GRM4: variants seen among roughly 807,000 people sequenced by gnomAD.
GRM4 encodes the protein glutamate metabotropic receptor 4.
A neutral mutation model predicts 81.7 loss-of-function variants in GRM4; 28 were observed. The observed-to-expected ratio is 0.34, with a 90% confidence interval of 0.25 to 0.47. The LOEUF (loss-of-function observed/expected upper bound fraction) is 0.47. Among genes scored for constraint, GRM4 ranks in the 20% least tolerant of loss-of-function variants. The pLI, the probability that GRM4 is intolerant of heterozygous loss-of-function variation, is 1.00. For synonymous variants in GRM4, 488 were observed against 528.8 expected (o/e 0.92, Z 1.06); for missense variants, 948 against 1,290.0 (o/e 0.73, Z 4.06).
Position 34,036,298 on chromosome 6 carries a change from G to T in GRM4, c.1812C>A (p.Phe604Leu). ...TGTAGCGCACAAAGGTGATCACCAC[G>T]AACAACGTGGCAGCGATGCCCACCA... ...LAVVGIAATLFVVITFVRYND... is the reference protein window; with the variant it reads ...LAVVGIAATLLVVITFVRYND... The change falls in exon 9 of 11, where the codon TTC (phenylalanine) becomes TTA (leucine). Residue 604 changes from phenylalanine (F) to leucine (L), a missense_variant. By Grantham distance (22) the Phe-to-Leu change is conservative. Transcript: ENST00000538487. The surrounding 1 kb of genome is among the most constrained non-coding windows in gnomAD (Gnocchi z 9.0). 6.2e-7 allele frequency: 1 copy of T among 1,614,128 alleles called. No homozygotes were observed. The highest frequency in any genetic ancestry group is 8.5e-7 in the Non-Finnish European group (1 of 1,180,016).
In GRM4 at chr6:34,070,078, C is replaced by T. The variant is rs10947477; in HGVS notation, c.737-8050G>A. 1.0e-3 allele frequency among the ~76,000 whole-genome samples: 152 copies of T among 152,308 alleles called. 1 individual carries two copies. Among genetic ancestry groups the T allele is most frequent in the African/African-American group, 3.4e-3 (141 of 41,570 alleles). ...GGGACAGCTCGGCAGGAGCTGCCAGCATGGGCGTGAGGGCAGAGGCTCTGT... is the reference window on the plus strand; with the variant it reads ...GGGACAGCTCGGCAGGAGCTGCCAGTATGGGCGTGAGGGCAGAGGCTCTGT... On this transcript the variant is annotated intron_variant, in intron 3 of 10. Coordinates refer to ENST00000538487, the MANE Select transcript of GRM4 (RefSeq NM_000841.4). The surrounding 1 kb of genome is among the most constrained non-coding windows in gnomAD (Gnocchi z 4.6).
chr6:34,071,140 A>T (rs1161808490), intron 3 of GRM4, among the ~76,000 whole-genome samples: 2 of 151,864 alleles, frequency 1.3e-5, no homozygotes, highest in Non-Finnish European at 2.9e-5. Context: ...GTAAATCCCC[A>T]ACCTCACACA....
In GRM4 at chr6:34,035,559, T is replaced by TGAAAGAAGGCAGAATGATGCAA. The variant is rs1198761612; in HGVS notation, c.2442+108_2442+109insTTGCATCATTCTGCCTTCTTTC. The stretch of plus-strand genomic sequence containing the variant: ...GCAAGAAAGAAGGCAGAATGAGGCA[T>TGAAAGAAGGCAGAATGATGCAA]GAAAGAAGGCATTTCTGGAGCAGGG... On this transcript the variant is annotated intron_variant, in intron 9 of 10. Coordinates refer to ENST00000538487, the MANE Select transcript of GRM4 (RefSeq NM_000841.4). This position sits in a 1 kb window ranked among gnomAD's most constrained non-coding sequence, Gnocchi z 6.6. The TGAAAGAAGGCAGAATGATGCAA allele has an allele frequency of 1.7e-6, 1 of 577,656 alleles. No individual in the cohort carries two copies. Among genetic ancestry groups the TGAAAGAAGGCAGAATGATGCAA allele is most frequent in the African/African-American group, 2.3e-5 (1 of 43,268 alleles). The allele number at this position is 577,656 out of a possible 1,614,324, so 35.8% of individuals were successfully genotyped here. A position where few individuals can be genotyped will look rare whatever the true frequency, so the allele number is the denominator to read the frequency against.
chr6:34,148,437 G>GAC (rs370422279), upstream of GRM4, among the ~76,000 whole-genome samples: 65 of 151,644 alleles, frequency 4.3e-4, no homozygotes, highest in South Asian at 4.0e-3. Context: ...CACACTGAGA[G>GAC]ACACACACAC....
chr6:34,056,368 C>T, intron 6 of GRM4, 176 bp downstream of exon 6: 1 of 602,022 alleles, frequency 1.7e-6, no homozygotes, highest in East Asian at 2.8e-5. Context: ...GTGGCCCCGC[C>T]CCTCAAGGCC....
At chr6:34,082,025 T>C (rs1418504739) in intron 3 of GRM4, among the ~76,000 whole-genome samples, 4 of 151,350 alleles carry the variant, frequency 2.6e-5, no homozygotes, top group African/African-American at 7.3e-5. Context: ...CCCTGTCCAA[T>C]GGGAGCCTGC....
At chr6:34,112,590 C>T (rs1272338581) in intron 2 of GRM4, among the ~76,000 whole-genome samples, 1 of 152,032 alleles carries the variant, frequency 6.6e-6, no homozygotes, top group Non-Finnish European at 1.5e-5. Context: ...TGTGAGCTTC[C>T]CCCCAAATGA....
intron 6 of GRM4, among the ~76,000 whole-genome samples, chr6:34,052,231 A>G (rs1765649584): frequency 6.6e-6 from 1 of 152,208 alleles, no homozygotes; most frequent in African/African-American, 2.4e-5. Flanking sequence ...GATGACTGAG[A>G]GGTCTGTTCC....
intron 1 of GRM4, among the ~76,000 whole-genome samples, chr6:34,135,803 T>C (rs61131344): frequency 6.6e-6 from 1 of 152,226 alleles, no homozygotes; most frequent in East Asian, 1.9e-4. Context: ...ATAAGAGCCA[T>C]AGACGAATCT....
At chr6:34,148,417 G>C (rs573681784), upstream of GRM4, among the ~76,000 whole-genome samples, 351 of 140,208 alleles carry the variant, frequency 2.5e-3, 2 homozygotes, top group African/African-American at 8.7e-3. Context: ...CAGACACATA[G>C]ACTAACACAC....
intron 2 of GRM4, chr6:34,099,947 C>T (rs550483586): frequency 6.9e-6 from 4 of 580,114 alleles, no homozygotes; most frequent in South Asian, 7.6e-5. Context: ...CCAACCCCTT[C>T]GCCACAGACC....
chr6:34,137,948 A>T (rs1429655199), intron 1 of GRM4, among the ~76,000 whole-genome samples: 1 of 151,716 alleles, frequency 6.6e-6, no homozygotes, highest in Non-Finnish European at 1.5e-5. Flanking sequence ...TCCAACTTCA[A>T]TCCTTCCCTC....
intron 2 of GRM4, among the ~76,000 whole-genome samples, chr6:34,131,537 C>T (rs1419854399): frequency 6.6e-6 from 1 of 152,156 alleles, no homozygotes; most frequent in Non-Finnish European, 1.5e-5. Flanking sequence ...CAGCCAATGG[C>T]AAAAGTCCTG....
At chr6:34,139,602 G>A (rs190756382) in intron 1 of GRM4, among the ~76,000 whole-genome samples, 4 of 152,234 alleles carry the variant, frequency 2.6e-5, no homozygotes, top group African/African-American at 9.6e-5. Context: ...ACCAGGCTGG[G>A]AGCACATTAA....
At chr6:34,137,911 T>G (rs1770526422) in intron 1 of GRM4, among the ~76,000 whole-genome samples, 1 of 152,070 alleles carries the variant, frequency 6.6e-6, no homozygotes, top group Non-Finnish European at 1.5e-5. Flanking sequence ...CTTAGTATAA[T>G]ATTAACAAGC....
rs779920656 is a variant in GRM4, at chr6:34,040,608, G to A, written c.1309C>T (p.Arg437Cys). 30 of 1,613,998 alleles carry A rather than the reference G, an allele frequency of 1.9e-5. No homozygotes were observed. The highest frequency in any genetic ancestry group is 2.4e-5 in the Non-Finnish European group (28 of 1,179,986). Residue 437 changes from arginine (R) to cysteine (C), a missense_variant, in exon 7 of 11, where the codon CGC becomes TGC. Transcript: ENST00000538487. ...LCPGRVGLCP[R>C]MDPVDGTQLL... Reference sequence around the variant, plus strand: ...TGGGTGCCATCTACAGGGTCCATGCGCGGGCAGAGCCCCACGCGGCCGGGA... The same window carrying A: ...TGGGTGCCATCTACAGGGTCCATGCACGGGCAGAGCCCCACGCGGCCGGGA...
chr6:34,084,203 T>C (rs1200103920), intron 3 of GRM4, among the ~76,000 whole-genome samples: 1 of 152,178 alleles, frequency 6.6e-6, no homozygotes, highest in Admixed American at 6.5e-5. Flanking sequence ...CCCACTCCCA[T>C]CACAGGTGAG....
rs1770453335 is a variant in GRM4, at chr6:34,136,360, T to G, written c.-363-2501A>C. On this transcript the variant is annotated intron_variant, in intron 1 of 10. Transcript: ENST00000538487. This position sits in a 1 kb window ranked among gnomAD's most constrained non-coding sequence, Gnocchi z 4.1. ...CCTGTGAGTTTATGATCGGTTTCCATGAATTTCAAACAGAGGGCTTTTTGG... is the reference window on the plus strand; with the variant it reads ...CCTGTGAGTTTATGATCGGTTTCCAGGAATTTCAAACAGAGGGCTTTTTGG... Among the ~76,000 whole-genome samples, 1 of 152,044 alleles carries G rather than the reference T, an allele frequency of 6.6e-6. No homozygotes were observed. The highest frequency in any genetic ancestry group is 1.5e-5 in the Non-Finnish European group (1 of 68,008).
At chr6:34,027,234 AG>A (rs1305805857) in intron 10 of GRM4, among the ~76,000 whole-genome samples, 2 of 152,106 alleles carry the variant, frequency 1.3e-5, no homozygotes, top group Non-Finnish European at 2.9e-5. Context: ...CAGAGAGGGA[AG>A]GGTATCAGAA....
Sources: gnomAD v4.1 joint callset for allele counts (sites outside exome capture counted in the v4.1 genomes callset) on GRCh38, gnomAD v4.1.1 for gene constraint, Gnocchi (gnomAD v3.1) non-coding constraint, MANE v1.5 for transcripts, NCBI Gene and HGNC (gene_info 2026-07-23, HGNC 2026-07-21) for gene names.